The following CSMD1 variants were observed in gnomAD, a reference collection of about 807,000 sequenced individuals.
CSMD1 encodes CUB and sushi domain-containing protein 1.
A neutral mutation model predicts 417.5 loss-of-function variants in CSMD1; 213 were observed. The ratio of observed to expected loss-of-function variants is 0.51; its 90% CI spans 0.46 to 0.57. CSMD1 has a LOEUF of 0.57. CSMD1 is among the 20% of genes least tolerant of loss of function. The pLI, the probability that CSMD1 is intolerant of heterozygous loss-of-function variation, is 0.00. For missense variants in CSMD1, 6,923 were observed against 4,529.7 expected (o/e 1.53, Z -15.17); for synonymous variants, 2,862 against 1,736.8 (o/e 1.65, Z -16.11).
At chr8:4,177,064 T>C (rs1299064512) in intron 3 of CSMD1, among the ~76,000 whole-genome samples, 2 of 152,296 alleles carry the variant, frequency 1.3e-5, no homozygotes, top group East Asian at 3.9e-4. Context: ...TGAACTCATC[T>C]CTGCACCAAG....
chr8:4,569,602 G>C (rs1798784867), intron 2 of CSMD1, among the ~76,000 whole-genome samples: 1 of 152,112 alleles, frequency 6.6e-6, no homozygotes, highest in Admixed American at 6.6e-5. Flanking sequence ...TGTTCTTTTT[G>C]CTTAGGATTG....
chr8:4,852,462 T>G (rs1801534177), intron 1 of CSMD1, among the ~76,000 whole-genome samples: 1 of 152,182 alleles, frequency 6.6e-6, no homozygotes, highest in African/African-American at 2.4e-5. Context: ...GAATGCTTGA[T>G]GAGGCCTCAC....
At chr8:3,563,880 C>T (rs1477005932) in intron 10 of CSMD1, among the ~76,000 whole-genome samples, 2 of 152,100 alleles carry the variant, frequency 1.3e-5, no homozygotes, top group African/African-American at 4.8e-5. Context: ...CAGAACTAGA[C>T]TCCGTCTCAA....
At chr8:3,227,085 C>T (rs1217846182) in intron 27 of CSMD1, among the ~76,000 whole-genome samples, 4 of 152,018 alleles carry the variant, frequency 2.6e-5, no homozygotes, top group Admixed American at 1.3e-4. Flanking sequence ...CAGGTTAAAT[C>T]GGTGTGACTG....
At chr8:3,779,192 G>A (rs918469831) in intron 5 of CSMD1, among the ~76,000 whole-genome samples, 14 of 150,572 alleles carry the variant, frequency 9.3e-5, no homozygotes, top group African/African-American at 3.4e-4. Flanking sequence ...TGTATGTGCA[G>A]TATTTGAGAG....
At chr8:4,405,295 T>C (rs1182553907) in intron 3 of CSMD1, among the ~76,000 whole-genome samples, 1 of 152,214 alleles carries the variant, frequency 6.6e-6, no homozygotes, top group Admixed American at 6.5e-5. Context: ...CATAGCATAT[T>C]GAAATAACTT....
chr8:4,338,976 C>G (rs73660754), intron 3 of CSMD1, among the ~76,000 whole-genome samples: 4,450 of 152,116 alleles, frequency 0.029, 231 homozygotes, highest in African/African-American at 0.1. Context: ...AGTCAATGAT[C>G]AGAAAATGCT....
chr8:3,824,591 G>A (rs941010277), intron 5 of CSMD1, among the ~76,000 whole-genome samples: 2 of 152,132 alleles, frequency 1.3e-5, no homozygotes, highest in African/African-American at 4.8e-5. Flanking sequence ...GACTTCACAG[G>A]AAAAACATAC....
intron 1 of CSMD1, among the ~76,000 whole-genome samples, chr8:4,749,544 C>T (rs921617920): frequency 2.0e-5 from 3 of 152,168 alleles, no homozygotes; most frequent in African/African-American, 7.2e-5. Context: ...TTACTCTAGA[C>T]TTCTAAAACC....
intron 3 of CSMD1, among the ~76,000 whole-genome samples, chr8:4,331,168 TAAG>T (rs1233969517): frequency 5.3e-5 from 8 of 152,170 alleles, no homozygotes; most frequent in African/African-American, 1.9e-4. Context: ...ATTTGCCTGA[TAAG>T]AATAAACCAG....
intron 5 of CSMD1, among the ~76,000 whole-genome samples, chr8:3,958,676 GA>G (rs1812130150): frequency 6.6e-6 from 1 of 152,134 alleles, no homozygotes; most frequent in African/African-American, 2.4e-5. Context: ...AAATGTCAAA[GA>G]GGGAAATGGA....
intron 6 of CSMD1, among the ~76,000 whole-genome samples, chr8:3,747,492 CG>C (rs1355375845): frequency 3.7e-5 from 5 of 133,434 alleles, no homozygotes; most frequent in Admixed American, 7.7e-5. Flanking sequence ...ACAAATCATA[CG>C]TTTGTTTTTT....
At chr8:3,474,768 T>G (rs11780580) in intron 11 of CSMD1, among the ~76,000 whole-genome samples, 45,394 of 152,066 alleles carry the variant, frequency 0.3, 8,041 homozygotes, top group East Asian at 0.63. Flanking sequence ...TCAAAACATA[T>G]AGTTACACAA....
At chr8:3,030,257 G>C (rs900755068) in intron 50 of CSMD1, among the ~76,000 whole-genome samples, 3 of 151,512 alleles carry the variant, frequency 2.0e-5, no homozygotes, top group Non-Finnish European at 4.4e-5. Flanking sequence ...GTTGTATGTG[G>C]GTACATATTC....
intron 5 of CSMD1, among the ~76,000 whole-genome samples, chr8:3,819,752 C>A (rs1374810264): frequency 2.0e-5 from 3 of 152,062 alleles, no homozygotes; most frequent in Non-Finnish European, 4.4e-5. Context: ...CCATGATCAG[C>A]TAATTTTTAA....
intron 4 of CSMD1, among the ~76,000 whole-genome samples, chr8:4,026,755 T>G (rs546587835): frequency 6.6e-6 from 1 of 152,352 alleles, no homozygotes; most frequent in South Asian, 2.1e-4. Context: ...TAAGGGGTTG[T>G]AATGATAACT....
chr8:4,762,227 C>T (rs563423701), intron 1 of CSMD1, among the ~76,000 whole-genome samples: 1 of 152,166 alleles, frequency 6.6e-6, no homozygotes, highest in Non-Finnish European at 1.5e-5. Flanking sequence ...TGCATGGTAC[C>T]TGCTTGCGCT....
intron 1 of CSMD1, among the ~76,000 whole-genome samples, chr8:4,868,717 GT>G (rs1802560940): frequency 6.6e-6 from 1 of 151,794 alleles, no homozygotes; most frequent in Non-Finnish European, 1.5e-5. Context: ...ATTTGATGCG[GT>G]ACCAGTTAGA....
At chr8:3,609,671 C>T (rs529651176) in intron 8 of CSMD1, among the ~76,000 whole-genome samples, 45 of 151,380 alleles carry the variant, frequency 3.0e-4, no homozygotes, top group Admixed American at 1.5e-3. Context: ...AGCTCATCTA[C>T]GCATCTTGGC....
Sources: allele counts gnomAD v4.1 joint callset (sites outside exome capture counted in the v4.1 genomes callset), GRCh38; gene constraint gnomAD v4.1.1; transcripts MANE v1.5; gene names NCBI Gene and HGNC (gene_info 2026-07-23, HGNC 2026-07-21).